Variants in CEP112 observed in about 807,000 individuals in gnomAD.
CEP112 encodes the protein centrosomal protein 112, also known as centrosomal protein of 112 kDa.
A neutral mutation model predicts 153.0 loss-of-function variants in CEP112; 127 were observed. That is an observed-to-expected ratio of 0.83 (90% confidence interval 0.72 to 0.96). The LOEUF (loss-of-function observed/expected upper bound fraction) is 0.96. Among genes scored for constraint, CEP112 ranks in the 40% least tolerant of loss-of-function variants. CEP112 has a pLI of 0.00. For missense variants in CEP112, 1,089 were observed against 1,101.2 expected, an observed-to-expected ratio of 0.99 and a Z score of 0.16; for synonymous variants, 358 against 374.4, an observed-to-expected ratio of 0.96 and a Z score of 0.51.
intron 5 of CEP112, among the ~76,000 whole-genome samples, 180 bp from the exon 6 acceptor site, chr17:66,130,003 G>A (rs567561759): frequency 2.0e-4 from 31 of 151,334 alleles, no homozygotes; most frequent in Admixed American, 4.0e-4. Flanking sequence ...GAGGGGGAAG[G>A]GAGGGAGAAA....
intron 23 of CEP112, among the ~76,000 whole-genome samples, chr17:65,732,129 T>C (rs2050543325): frequency 6.6e-6 from 1 of 152,220 alleles, no homozygotes; most frequent in African/African-American, 2.4e-5. Flanking sequence ...ATTTTTGACA[T>C]AAGAAGACTT....
chr17:65,795,812 G>GAAAT (rs931391433), intron 21 of CEP112, among the ~76,000 whole-genome samples: 13 of 151,892 alleles, frequency 8.6e-5, no homozygotes, highest in African/African-American at 2.4e-4. Context: ...GCTCTGTCTC[G>GAAAT]AAATAAATAA....
intron 2 of CEP112, among the ~76,000 whole-genome samples, chr17:66,181,300 A>G (rs2072709242): frequency 6.6e-6 from 1 of 152,204 alleles, no homozygotes; most frequent in Non-Finnish European, 1.5e-5. Context: ...AATACTGACA[A>G]TGTGTCAAGG....
intron 6 of CEP112, among the ~76,000 whole-genome samples, chr17:66,099,356 T>G (rs1380549522): frequency 3.3e-5 from 5 of 151,836 alleles, no homozygotes; most frequent in African/African-American, 7.3e-5. Flanking sequence ...ATACAAAAAT[T>G]GGCTGGGCTT....
intron 6 of CEP112, among the ~76,000 whole-genome samples, chr17:66,099,596 G>A (rs985126622): frequency 6.6e-6 from 1 of 151,484 alleles, no homozygotes; most frequent in African/African-American, 2.4e-5. Context: ...CTTCAGTGTA[G>A]CAGAGGAGGA....
At chr17:65,886,976 G>GTTC (rs1301316992) in intron 20 of CEP112, among the ~76,000 whole-genome samples, 3 of 152,124 alleles carry the variant, frequency 2.0e-5, no homozygotes, top group Non-Finnish European at 4.4e-5. Context: ...GGGACTTAGA[G>GTTC]TATTTCCAAA....
At chr17:65,921,336 T>C (rs779232718) in intron 19 of CEP112, among the ~76,000 whole-genome samples, 2 of 152,152 alleles carry the variant, frequency 1.3e-5, no homozygotes, top group East Asian at 1.9e-4. Flanking sequence ...CTCACTACTG[T>C]ATGCCTATCG....
intron 17 of CEP112, among the ~76,000 whole-genome samples, chr17:65,994,684 G>C (rs1329058779): frequency 6.6e-6 from 1 of 152,146 alleles, no homozygotes; most frequent in Non-Finnish European, 1.5e-5. Context: ...ATAGTTCTAG[G>C]AGAATAGGAT....
rs146280740 is a variant in CEP112 at position 65,783,232 on chromosome 17, G to A, written c.2395-32508C>T. Among the ~76,000 whole-genome samples, 366 of 152,256 alleles carry A rather than the reference G, an allele frequency of 2.4e-3. 4 individuals carry two copies. The highest frequency in any genetic ancestry group is 8.7e-3 in the African/African-American group (360 of 41,558). ...TGCAAATCAAACACATTGAGGTACT[G>A]CTACATACCCAGTAGAATGGCAATA... On this transcript the variant is annotated intron_variant, in intron 21 of 26. Transcript: ENST00000535342.
intron 1 of CEP112, among the ~76,000 whole-genome samples, chr17:66,184,148 T>C (rs879917017): frequency 6.6e-6 from 1 of 151,874 alleles, no homozygotes; most frequent in Non-Finnish European, 1.5e-5. Context: ...TCCCAGCTAC[T>C]TGGGATGCTG....
intron 12 of CEP112, among the ~76,000 whole-genome samples, chr17:66,046,792 A>G (rs1442365463): frequency 1.0e-5 from 1 of 95,650 alleles, no homozygotes; most frequent in African/African-American, 4.0e-5. Flanking sequence ...AGACAGAAAT[A>G]CACAATGAAA....
At position 66,062,952 on chromosome 17, in the gene CEP112, A is replaced by T; in HGVS notation, c.1074+11T>A. ...CTTTTATGTTTTCCATTAGTATTTT[A>T]TGTAGCTTACCTTTTTTTCCCAGTC... is the stretch of plus-strand genomic sequence containing the variant. On this transcript the variant is annotated intron_variant, in intron 11 of 26. Coordinates refer to ENST00000535342, the MANE Select transcript of CEP112 (RefSeq NM_001199165.4). The T allele has an allele frequency of 7.2e-7, 1 of 1,380,404 alleles. No homozygotes were observed. The highest frequency in any genetic ancestry group is 1.0e-6 in the Non-Finnish European group (1 of 991,656). The allele number at this position is 1,380,404 out of a possible 1,614,324, so 85.5% of individuals were successfully genotyped here.
At chr17:65,704,861 A>G (rs796509045) in intron 23 of CEP112, among the ~76,000 whole-genome samples, 13 of 152,382 alleles carry the variant, frequency 8.5e-5, no homozygotes, top group African/African-American at 2.9e-4. Context: ...CGTTTAAACC[A>G]CTTAGAATGA....
intron 17 of CEP112, among the ~76,000 whole-genome samples, chr17:65,982,960 C>A (rs575498773): frequency 2.4e-4 from 36 of 152,112 alleles, no homozygotes; most frequent in Admixed American, 2.2e-3. Flanking sequence ...TAGCTCCGGA[C>A]ACAAAAGGTC....
intron 21 of CEP112, among the ~76,000 whole-genome samples, chr17:65,814,601 T>C (rs999301666): frequency 6.6e-6 from 1 of 152,194 alleles, no homozygotes; most frequent in African/African-American, 2.4e-5. Context: ...AAGGAGTGTT[T>C]AATACTGGAT....
intron 17 of CEP112, among the ~76,000 whole-genome samples, chr17:65,985,870 C>G (rs1230968420): frequency 6.8e-6 from 1 of 146,962 alleles, no homozygotes; most frequent in East Asian, 2.0e-4. Context: ...TTTAAGAAAT[C>G]AAGTTTCAAA....
intron 21 of CEP112, chr17:65,826,517 C>T: frequency 1.4e-6 from 2 of 1,388,824 alleles, no homozygotes; most frequent in Non-Finnish European, 1.9e-6. Context: ...ACCACACTGC[C>T]TGGCTCAGTT....
At chr17:65,696,614 C>A (rs912429439) in intron 23 of CEP112, among the ~76,000 whole-genome samples, 5 of 152,116 alleles carry the variant, frequency 3.3e-5, no homozygotes, top group Admixed American at 1.3e-4. Flanking sequence ...TTGCGAGCTG[C>A]AAGCTCTGCA....
At chr17:65,954,635 T>C (rs1325027203) in intron 18 of CEP112, among the ~76,000 whole-genome samples, 1 of 150,726 alleles carries the variant, frequency 6.6e-6, no homozygotes, top group East Asian at 1.9e-4. Context: ...AAAAGAAGAG[T>C]TCTTCAGTGA....
Sources: allele counts gnomAD v4.1 joint callset (sites outside exome capture counted in the v4.1 genomes callset), GRCh38; gene constraint gnomAD v4.1.1; transcripts MANE v1.5; gene names NCBI Gene and HGNC (gene_info 2026-07-23, HGNC 2026-07-21).